FLVCR2: variants seen among roughly 807,000 people sequenced by gnomAD.
FLVCR2 encodes FLVCR choline and putative heme transporter 2, also known as choline/ethanolamine transporter FLVCR2.
In FLVCR2, 38 loss-of-function variants were observed where a neutral mutation model predicts 48.9. The ratio of observed to expected loss-of-function variants is 0.78; its 90% CI spans 0.60 to 1.02. The LOEUF (loss-of-function observed/expected upper bound fraction) is 1.02. Ranked by LOEUF, FLVCR2 falls within the 50% of genes least tolerant of loss-of-function variation. The pLI is 0.00. For missense variants in FLVCR2, 664 were observed against 663.3 expected, an observed-to-expected ratio of 1.00 and a Z score of -0.01; for synonymous variants, 255 against 257.0, an observed-to-expected ratio of 0.99 and a Z score of 0.07.
rs550847763 is a variant in FLVCR2 at position 75,637,684 on chromosome 14, G to A, written c.1125-1668G>A. 1.7e-3 allele frequency among the ~76,000 whole-genome samples: 254 copies of A among 149,702 alleles called. 1 individual carries two copies. The highest frequency in any genetic ancestry group is 5.6e-3 in the African/African-American group (228 of 40,556). On this transcript the variant is annotated intron_variant, in intron 5 of 9. Coordinates refer to ENST00000238667, the MANE Select transcript of FLVCR2 (RefSeq NM_017791.3). Reference sequence around the variant, plus strand: ...GCGGAGCTTGCAGTGAGCAGAGATCGTGCCACTGCACTCCAGCCTGGGTGA... The same window carrying A: ...GCGGAGCTTGCAGTGAGCAGAGATCATGCCACTGCACTCCAGCCTGGGTGA...
At chr14:75,591,331 C>T (rs1332580554) in intron 1 of FLVCR2, among the ~76,000 whole-genome samples, 1 of 152,256 alleles carries the variant, frequency 6.6e-6, no homozygotes, top group African/African-American at 2.4e-5. Flanking sequence ...GCATGAGCCA[C>T]ACCAAGCCCT....
intron 7 of FLVCR2, 44 bp from the exon 8 acceptor site, chr14:75,641,138 A>T: frequency 6.5e-7 from 1 of 1,549,088 alleles, no homozygotes; most frequent in Non-Finnish European, 8.9e-7. Context: ...CTCATGAGTT[A>T]GTTGACTGGG....
rs1204653243 is a variant in FLVCR2, at chr14:75,579,028, C to A, written c.56C>A (p.Ser19Tyr). The A allele has an allele frequency of 2.5e-6, 4 of 1,614,120 alleles. No homozygotes were observed. The highest frequency in any genetic ancestry group is 3.4e-6 in the Non-Finnish European group (4 of 1,180,002). The change falls in exon 1 of 10, where the codon TCC (serine) becomes TAC (tyrosine). Residue 19 changes from serine (S) to tyrosine (Y), a missense_variant. By Grantham distance (144) the Ser-to-Tyr change is moderately radical. Transcript: ENST00000238667. ...EESDDTPVPE[S>Y]ALQADPSVSV... ...AGCGATGACACCCCTGTGCCGGAGTCCGCACTCCAAGCGGACCCCAGCGTC... is the reference window on the plus strand; with the variant it reads ...AGCGATGACACCCCTGTGCCGGAGTACGCACTCCAAGCGGACCCCAGCGTC...
chr14:75,616,048 A>AAAAAAAAAAAAAG (rs1889607875), intron 1 of FLVCR2, among the ~76,000 whole-genome samples: 2 of 146,998 alleles, frequency 1.4e-5, no homozygotes, highest in Non-Finnish European at 1.5e-5. Context: ...AAAAAAAAAA[A>AAAAAAAAAAAAAG]TAGCGTAAGT....
intron 8 of FLVCR2, 85 bp downstream of exon 8, chr14:75,641,378 C>A (rs919669740): frequency 2.4e-6 from 2 of 845,996 alleles, no homozygotes; most frequent in East Asian, 2.4e-5. Context: ...ATAGGGAGTA[C>A]GTACGTAGGG....
chr14:75,647,886 T>G lies in FLVCR2; in HGVS notation c.*1414T>G, dbSNP rs1185847650. 2 of 152,008 alleles carry G rather than the reference T, an allele frequency of 1.3e-5. No individual in the cohort carries two copies. The highest frequency in any genetic ancestry group is 4.9e-5 in the African/African-American group (2 of 41,162). The allele number at this position is 152,008 out of a possible 1,614,324, so 9.4% of individuals were successfully genotyped here. A position where few individuals can be genotyped will look rare whatever the true frequency, so the allele number is the denominator to read the frequency against. The stretch of plus-strand genomic sequence containing the variant: ...AGCCAGGTTTGTGTGTGTCTGCATG[T>G]GTGTGTGTGTGTGTTTGTACAGATT... On this transcript the variant is annotated 3_prime_UTR_variant, in exon 10 of 10. Coordinates refer to ENST00000238667, the MANE Select transcript of FLVCR2 (RefSeq NM_017791.3).
Position 75,635,001 on chromosome 14 carries a change from C to G in FLVCR2, c.1112C>G (p.Ser371Cys), listed in dbSNP as rs147025339. The G allele has an allele frequency of 1.3e-4, 214 of 1,608,832 alleles. No homozygotes were observed. The highest frequency in any genetic ancestry group is 1.8e-4 in the Non-Finnish European group (209 of 1,175,360). Residue 371 changes from serine (S) to cysteine (C), a missense_variant, in exon 5 of 10, where the codon TCC becomes TGC. Ser to Cys is a moderately radical substitution (Grantham distance 112). Transcript: ENST00000238667. ...ATCTCAGGAATCTGGCTGGATAGGT[C>G]CAAAACCTACAAGTAAGTGACTCAT... Reference protein sequence around the residue: ...AVISGIWLDRSKTYKETTLVV... With the variant: ...AVISGIWLDRCKTYKETTLVV...
At chr14:75,616,683 A>C (rs2140032736) in intron 1 of FLVCR2, among the ~76,000 whole-genome samples, 1 of 152,242 alleles carries the variant, frequency 6.6e-6, no homozygotes, top group South Asian at 2.1e-4. Context: ...CCTAGGGGTG[A>C]GGGTGGGCTT....
chr14:75,625,479 A>G (rs1263121319), intron 3 of FLVCR2, among the ~76,000 whole-genome samples: 1 of 151,974 alleles, frequency 6.6e-6, no homozygotes, highest in Non-Finnish European at 1.5e-5. Context: ...AGAGCCTCAT[A>G]GCATTCCACT....
At chr14:75,602,535 T>A (rs949523456) in intron 1 of FLVCR2, among the ~76,000 whole-genome samples, 5 of 152,110 alleles carry the variant, frequency 3.3e-5, no homozygotes, top group Non-Finnish European at 7.3e-5. Flanking sequence ...GAGATATTCC[T>A]ATCACTCAGG....
At chr14:75,631,610 T>G in intron 3 of FLVCR2, 1 of 349,598 alleles carries the variant, frequency 2.9e-6, no homozygotes, top group East Asian at 7.9e-5. Context: ...AAGCAGCTGT[T>G]CCCCTGAAGC....
chr14:75,586,020 G>A (rs1888738813), intron 1 of FLVCR2, among the ~76,000 whole-genome samples: 1 of 152,206 alleles, frequency 6.6e-6, no homozygotes. Flanking sequence ...GGTGAGGACA[G>A]GGGACTGGTC....
In FLVCR2 at chr14:75,610,015, G is replaced by C. The variant is rs536942242; in HGVS notation, c.670-12064G>C. Among the ~76,000 whole-genome samples the C allele has an allele frequency of 1.1e-4, 16 of 152,298 alleles. No homozygotes were observed. In the East Asian group the frequency reaches 2.7e-3, roughly 26 times the overall value. The stretch of plus-strand genomic sequence containing the variant: ...GTGGGCAATCAGTGCCAAAGCATTT[G>C]AATGGCGCTTTGCACATCGCCTACT... On this transcript the variant is annotated intron_variant, in intron 1 of 9. Coordinates refer to ENST00000238667, the MANE Select transcript of FLVCR2 (RefSeq NM_017791.3).
intron 9 of FLVCR2, among the ~76,000 whole-genome samples, chr14:75,644,693 A>G (rs543496934): frequency 5.3e-5 from 8 of 152,314 alleles, no homozygotes; most frequent in African/African-American, 1.9e-4. Context: ...GGGCCATCAC[A>G]GAGCAGCCCT....
chr14:75,605,648 C>G (rs764392314), intron 1 of FLVCR2: 3 of 1,534,050 alleles, frequency 2.0e-6, no homozygotes, highest in Non-Finnish European at 2.6e-6. Context: ...TTACTTCCTT[C>G]CCAACTTCTT....
intron 1 of FLVCR2, among the ~76,000 whole-genome samples, chr14:75,614,934 T>A (rs753464369): frequency 2.0e-5 from 3 of 152,178 alleles, no homozygotes; most frequent in Non-Finnish European, 2.9e-5. Flanking sequence ...TGGGAGAAAC[T>A]GCCCCCATGA....
chr14:75,582,424 A>G (rs1377284003), intron 1 of FLVCR2, among the ~76,000 whole-genome samples: 2 of 152,220 alleles, frequency 1.3e-5, no homozygotes, highest in Non-Finnish European at 2.9e-5. Flanking sequence ...CAGAAAGTAT[A>G]TGCATCAGGT....
intron 1 of FLVCR2, among the ~76,000 whole-genome samples, chr14:75,592,288 C>A (rs189570659): frequency 6.6e-6 from 1 of 152,086 alleles, no homozygotes; most frequent in East Asian, 1.9e-4. Context: ...CAAGCTGTAC[C>A]TGGGGCTATT....
In FLVCR2 at chr14:75,578,635, C is replaced by T. The variant is rs1161260850; in HGVS notation, c.-338C>T. 3 of 394,930 alleles carry T rather than the reference C, an allele frequency of 7.6e-6. No homozygotes were observed. Among genetic ancestry groups the T allele is most frequent in the Non-Finnish European group, 1.4e-5 (3 of 210,764 alleles). 24.5% of individuals were successfully genotyped at this position (394,930 alleles called of 1,614,324 possible). ...CTGGCCCGGGAGAGGACTCTGCGGGCGAAGTGGCTGCGCAAGGAGAGAACT... is the reference window on the plus strand; with the variant it reads ...CTGGCCCGGGAGAGGACTCTGCGGGTGAAGTGGCTGCGCAAGGAGAGAACT... On this transcript the variant is annotated 5_prime_UTR_variant, in exon 1 of 10. Transcript: ENST00000238667.
Sources: allele counts gnomAD v4.1 joint callset (sites outside exome capture counted in the v4.1 genomes callset), GRCh38; gene constraint gnomAD v4.1.1; transcripts MANE v1.5; gene names NCBI Gene and HGNC (gene_info 2026-07-23, HGNC 2026-07-21).